SPATA21: variants seen among roughly 807,000 people sequenced by gnomAD.
SPATA21 encodes the protein spermatogenesis-associated protein 21.
A neutral mutation model predicts 54.8 loss-of-function variants in SPATA21; 47 were observed. The observed-to-expected ratio is 0.86, with a 90% confidence interval of 0.68 to 1.09. The LOEUF is 1.09. Ranked by LOEUF, SPATA21 falls within the 50% of genes least tolerant of loss-of-function variation. The probability of loss-of-function intolerance (pLI) is 0.00; values close to 1 mark genes in which losing one functional copy is unlikely to be tolerated. For missense variants in SPATA21, 599 were observed against 596.4 expected (o/e 1.00, Z -0.05); for synonymous variants, 245 against 235.3 (o/e 1.04, Z -0.38).
chr1:16,396,609 T>C, downstream of SPATA21: 1 of 152,810 alleles, frequency 6.5e-6, no homozygotes, highest in South Asian at 2.1e-4. Context: ...GCCTTATCCC[T>C]CAGCCAGCCA....
intron 10 of SPATA21, 64 bp downstream of exon 10, chr1:16,403,663 C>T: frequency 6.9e-7 from 1 of 1,449,280 alleles, no homozygotes; most frequent in Non-Finnish European, 9.7e-7. Context: ...GTTCTCAGTG[C>T]CAAAATGCTA....
Position 16,421,507 on chromosome 1 carries a change from AC to A in SPATA21, c.144+1del. 1 of 1,611,606 alleles carries A rather than the reference AC, an allele frequency of 6.2e-7. No individual in the cohort carries two copies. Among genetic ancestry groups the A allele is most frequent in the Non-Finnish European group, 8.5e-7 (1 of 1,179,138 alleles). The stretch of plus-strand genomic sequence containing the variant: ...CCCCGTTCCCCCTATGGCCCTACTT[AC>A]TGGTGGAGGAAGAGGCCCCGGTGCT... On this transcript the variant is annotated splice_donor_variant, in intron 5 of 12. Coordinates refer to ENST00000335496, the MANE Select transcript of SPATA21 (RefSeq NM_198546.1). LOFTEE classifies it high-confidence loss of function. The surrounding 1 kb of genome is among the most constrained non-coding windows in gnomAD (Gnocchi z 5.2).
At chr1:16,425,681 G>T in intron 3 of SPATA21, 1 of 1,550,244 alleles carries the variant, frequency 6.5e-7, no homozygotes, top group Non-Finnish European at 8.7e-7. Flanking sequence ...ATCCTGGCCT[G>T]CTTGCAGCTC....
At chr1:16,405,148 T>G in intron 7 of SPATA21, 44 bp from the exon 8 acceptor site, 1 of 1,572,878 alleles carries the variant, frequency 6.4e-7, no homozygotes, top group Non-Finnish European at 8.6e-7. Flanking sequence ...CATTTCTTGT[T>G]TCTGTCATTC....
At chr1:16,419,963 G>A (rs983816768) in intron 5 of SPATA21, among the ~76,000 whole-genome samples, 1 of 151,816 alleles carries the variant, frequency 6.6e-6, no homozygotes, top group Non-Finnish European at 1.5e-5. Context: ...GCAAAGTCTC[G>A]CCTGAAGATA....
intron 10 of SPATA21, among the ~76,000 whole-genome samples, chr1:16,403,001 G>T (rs1242296203): frequency 2.6e-5 from 4 of 152,266 alleles, no homozygotes; most frequent in East Asian, 3.9e-4. Flanking sequence ...ATGGAGGCTC[G>T]GGCTCCTCTG....
At chr1:16,404,765 A>G (rs1218054367) in intron 8 of SPATA21, among the ~76,000 whole-genome samples, 4 of 152,224 alleles carry the variant, frequency 2.6e-5, no homozygotes, top group Non-Finnish European at 5.9e-5. Flanking sequence ...AGCAGGGATC[A>G]CAGCATTATA....
chr1:16,414,357 C>A (rs2100833615), intron 5 of SPATA21, among the ~76,000 whole-genome samples: 1 of 152,072 alleles, frequency 6.6e-6, no homozygotes, highest in South Asian at 2.1e-4. Context: ...GCGTGAGCCA[C>A]CGCACCCAGC....
chr1:16,434,461 A>C (rs1205824373), intron 1 of SPATA21, among the ~76,000 whole-genome samples: 1 of 151,904 alleles, frequency 6.6e-6, no homozygotes, highest in Non-Finnish European at 1.5e-5. Context: ...GTTCGTCTTA[A>C]AAATTTTTTA....
Position 16,403,995 on chromosome 1 carries a change from C to T in SPATA21, c.856G>A (p.Asp286Asn). 1 of 1,567,518 alleles carries T rather than the reference C, an allele frequency of 6.4e-7. No individual in the cohort carries two copies. ...ACAGAGCAGAAGAAGCGCCTGGTGT[C>T]TGTCATCACAGCCAAGAAGTCTTTG... ...DFKDFLAVMT[D>N]TRRFFCSVEQ... The change falls in exon 9 of 13, where the codon GAC becomes AAC. Residue 286 changes from aspartate to asparagine, a missense_variant. By Grantham distance (23) the Asp-to-Asn change is conservative. Transcript: ENST00000335496.
rs1044271022 is a variant in SPATA21, at chr1:16,400,571, T to A, written c.1174+149A>T. On this transcript the variant is annotated intron_variant, in intron 11 of 12. Transcript: ENST00000335496. The stretch of plus-strand genomic sequence containing the variant: ...TGGAAAATAGTGATTATCAGCCTGT[T>A]TTCTGATGTACACAGTTAAGCCCGA... 5 of 1,464,658 alleles carry A rather than the reference T, an allele frequency of 3.4e-6. No individual in the cohort carries two copies. In the Admixed American group the frequency reaches 7.3e-5, roughly 21 times the overall value. The allele number at this position is 1,464,658 out of a possible 1,614,324, so 90.7% of individuals were successfully genotyped here. A position where few individuals can be genotyped will look rare whatever the true frequency, so the allele number is the denominator to read the frequency against.
chr1:16,415,569 T>C (rs536905935), intron 5 of SPATA21, among the ~76,000 whole-genome samples: 1 of 152,224 alleles, frequency 6.6e-6, no homozygotes, highest in South Asian at 2.1e-4. Flanking sequence ...TTATTATTAT[T>C]CTTTTTTAGA....
At chr1:16,425,441 G>T (rs750514285) in intron 3 of SPATA21, 22 of 1,392,272 alleles carry the variant, frequency 1.6e-5, no homozygotes, top group East Asian at 2.5e-5. Context: ...GCACCAGAAT[G>T]GGGGGCATGA....
chr1:16,436,383 T>A (rs1316966382), intron 1 of SPATA21, among the ~76,000 whole-genome samples: 33 of 134,474 alleles, frequency 2.5e-4, no homozygotes, highest in Non-Finnish European at 4.0e-4. Flanking sequence ...TGAGACTCTG[T>A]CTCAAAAAAA....
At chr1:16,417,830 A>G (rs191581929) in intron 5 of SPATA21, among the ~76,000 whole-genome samples, 81 of 152,192 alleles carry the variant, frequency 5.3e-4, no homozygotes, top group Admixed American at 3.9e-3. Context: ...TCAGCCTCCT[A>G]AAGTGTTGGG....
chr1:16,415,306 C>G (rs1378169444), intron 5 of SPATA21, among the ~76,000 whole-genome samples: 4 of 152,014 alleles, frequency 2.6e-5, no homozygotes, highest in Non-Finnish European at 5.9e-5. Flanking sequence ...CCACTGCACT[C>G]TAGCACTCTG....
chr1:16,421,580 G>A lies in SPATA21; in HGVS notation c.96-23C>T. The A allele has an allele frequency of 6.2e-7, 1 of 1,610,114 alleles. No homozygotes were observed. The highest frequency in any genetic ancestry group is 8.5e-7 in the Non-Finnish European group (1 of 1,178,384). On this transcript the variant is annotated intron_variant, in intron 4 of 12. Transcript: ENST00000335496. This position sits in a 1 kb window ranked among gnomAD's most constrained non-coding sequence, Gnocchi z 5.2. ...CCCCTGAATAGAAGAGAAACCCCCA[G>A]GTGGGGGAAGCGCTCAGCTGAAGGT... is the stretch of plus-strand genomic sequence containing the variant.
chr1:16,408,883 A>C (rs1045320253), intron 7 of SPATA21, among the ~76,000 whole-genome samples: 1 of 142,080 alleles, frequency 7.0e-6, no homozygotes, highest in African/African-American at 2.7e-5. Flanking sequence ...AAAAAAAAAA[A>C]AAAAAAGACC....
At chr1:16,417,730 C>T (rs576759018) in intron 5 of SPATA21, among the ~76,000 whole-genome samples, 8 of 151,920 alleles carry the variant, frequency 5.3e-5, no homozygotes, top group African/African-American at 1.4e-4. Flanking sequence ...TCACCGTGCC[C>T]GGCCATTTTT....
Sources: gnomAD v4.1 joint callset for allele counts (sites outside exome capture counted in the v4.1 genomes callset) on GRCh38, gnomAD v4.1.1 for gene constraint, Gnocchi (gnomAD v3.1) non-coding constraint, MANE v1.5 for transcripts, NCBI Gene and HGNC (gene_info 2026-07-23, HGNC 2026-07-21) for gene names.